RABGAP1L: variants seen among roughly 807,000 people sequenced by gnomAD.
The protein encoded by RABGAP1L is RAB GTPase activating protein 1 like.
In RABGAP1L, 63 loss-of-function variants were observed where a neutral mutation model predicts 137.7. The ratio of observed to expected loss-of-function variants is 0.46; its 90% CI spans 0.37 to 0.56. The LOEUF is 0.56. Among genes scored for constraint, RABGAP1L ranks in the 20% least tolerant of loss-of-function variants. The pLI is 0.00. For missense variants in RABGAP1L, 1,095 were observed against 1,244.0 expected (o/e 0.88, Z 1.80); for synonymous variants, 431 against 433.7 (o/e 0.99, Z 0.08).
At chr1:174,369,852 A>G (rs1440024620) in intron 11 of RABGAP1L, among the ~76,000 whole-genome samples, 1 of 152,118 alleles carries the variant, frequency 6.6e-6, no homozygotes, top group Non-Finnish European at 1.5e-5. Flanking sequence ...TATAATTCTT[A>G]TTTACCTAGT....
intron 17 of RABGAP1L, among the ~76,000 whole-genome samples, chr1:174,740,959 A>G (rs1683345873): frequency 6.7e-6 from 1 of 150,064 alleles, no homozygotes; most frequent in African/African-American, 2.4e-5. Flanking sequence ...TCTGTTCTAT[A>G]TATTAGTTCC....
intron 13 of RABGAP1L, among the ~76,000 whole-genome samples, chr1:174,498,514 TGA>T: frequency 6.6e-6 from 1 of 152,148 alleles, no homozygotes; most frequent in African/African-American, 2.4e-5. Context: ...TTTATTTTTT[TGA>T]GAGAGTTTTG....
chr1:174,696,360 A>T (rs964396655), intron 15 of RABGAP1L, among the ~76,000 whole-genome samples: 1 of 151,944 alleles, frequency 6.6e-6, no homozygotes, highest in Non-Finnish European at 1.5e-5. Flanking sequence ...AAGGGGTGTA[A>T]GTATAGCCAC....
At chr1:174,460,995 A>T (rs1012462234) in intron 13 of RABGAP1L, among the ~76,000 whole-genome samples, 1 of 152,038 alleles carries the variant, frequency 6.6e-6, no homozygotes, top group Non-Finnish European at 1.5e-5. Context: ...TTATCTCACA[A>T]TTTACTCTGT....
At chr1:174,748,682 G>A (rs1684076633) in intron 17 of RABGAP1L, among the ~76,000 whole-genome samples, 1 of 151,548 alleles carries the variant, frequency 6.6e-6, no homozygotes, top group South Asian at 2.1e-4. Flanking sequence ...AATAGCTTGG[G>A]CAATATAGTG....
chr1:174,384,949 A>G (rs954437936), intron 12 of RABGAP1L, among the ~76,000 whole-genome samples: 15 of 152,212 alleles, frequency 9.9e-5, no homozygotes, highest in Non-Finnish European at 1.8e-4. Flanking sequence ...ATTAGGTTAT[A>G]CATAGATTTA....
At chr1:174,638,578 C>G (rs1674255008) in intron 14 of RABGAP1L, among the ~76,000 whole-genome samples, 1 of 150,276 alleles carries the variant, frequency 6.7e-6, no homozygotes, top group East Asian at 2.0e-4. Context: ...TGTAAAGACA[C>G]ATGCACACGT....
chr1:174,383,068 C>A (rs1205360312), intron 12 of RABGAP1L, among the ~76,000 whole-genome samples: 1 of 151,048 alleles, frequency 6.6e-6, no homozygotes, highest in African/African-American at 2.5e-5. Flanking sequence ...GTCAGTGTGC[C>A]CCTGCTGGGG....
chr1:174,258,822 G>A (rs955746243), intron 7 of RABGAP1L, among the ~76,000 whole-genome samples: 1 of 151,822 alleles, frequency 6.6e-6, no homozygotes, highest in African/African-American at 2.4e-5. Flanking sequence ...GTGTTGCCCA[G>A]ACTGGAGTGC....
intron 13 of RABGAP1L, among the ~76,000 whole-genome samples, chr1:174,457,254 A>G (rs1032632683): frequency 1.3e-5 from 2 of 152,184 alleles, no homozygotes; most frequent in African/African-American, 2.4e-5. Flanking sequence ...AAAATGTTCA[A>G]TGTTCAGATT....
chr1:174,685,636 T>C (rs1678405724), intron 15 of RABGAP1L, among the ~76,000 whole-genome samples: 1 of 151,630 alleles, frequency 6.6e-6, no homozygotes, highest in East Asian at 1.9e-4. Context: ...TGATCTCAGC[T>C]CTCTGCAACC....
intron 22 of RABGAP1L, among the ~76,000 whole-genome samples, chr1:174,977,812 T>A (rs1232533719): frequency 1.3e-5 from 2 of 152,160 alleles, no homozygotes; most frequent in Admixed American, 1.3e-4. Flanking sequence ...AGAATAAAGA[T>A]CAATATAAAC....
chr1:174,705,664 C>T (rs986883200), intron 17 of RABGAP1L: 1 of 152,054 alleles, frequency 6.6e-6, no homozygotes, highest in Non-Finnish European at 1.5e-5. Context: ...TTGTAGTGTG[C>T]CTCAGGATAT....
At chr1:174,886,170 G>A (rs1262297428) in intron 19 of RABGAP1L, among the ~76,000 whole-genome samples, 3 of 151,766 alleles carry the variant, frequency 2.0e-5, no homozygotes, top group African/African-American at 7.3e-5. Flanking sequence ...GCACCACCAC[G>A]CCTGGGTAAT....
At chr1:174,751,583 A>G (rs369285559) in intron 17 of RABGAP1L, among the ~76,000 whole-genome samples, 59 of 152,350 alleles carry the variant, frequency 3.9e-4, no homozygotes, top group African/African-American at 1.2e-3. Context: ...AAGATTCTCT[A>G]TCTTTTGAAT....
At chr1:174,370,632 A>G (rs1281447911) in intron 11 of RABGAP1L, among the ~76,000 whole-genome samples, 3 of 149,544 alleles carry the variant, frequency 2.0e-5, no homozygotes. Flanking sequence ...TGTTGGTCCC[A>G]TTAATAAAAT....
intron 11 of RABGAP1L, among the ~76,000 whole-genome samples, chr1:174,320,190 A>T (rs1346091099): frequency 6.6e-6 from 1 of 152,190 alleles, no homozygotes; most frequent in African/African-American, 2.4e-5. Context: ...CAGAATTATG[A>T]TATGAAACAT....
intron 10 of RABGAP1L, among the ~76,000 whole-genome samples, chr1:174,289,817 T>A (rs1347743700): frequency 6.6e-6 from 1 of 152,204 alleles, no homozygotes; most frequent in Non-Finnish European, 1.5e-5. Flanking sequence ...GACTGTTGGT[T>A]GGGCTTTGTA....
At chr1:174,942,448 T>G (rs1164061271) in intron 19 of RABGAP1L, among the ~76,000 whole-genome samples, 1 of 152,162 alleles carries the variant, frequency 6.6e-6, no homozygotes, top group Non-Finnish European at 1.5e-5. Flanking sequence ...ATAAAACATT[T>G]AATGTTAGTA....
Sources: allele counts gnomAD v4.1 joint callset (sites outside exome capture counted in the v4.1 genomes callset), GRCh38; gene constraint gnomAD v4.1.1; transcripts MANE v1.5; gene names NCBI Gene and HGNC (gene_info 2026-07-23, HGNC 2026-07-21).